The following IFIT1B variants were observed in gnomAD, a reference collection of about 807,000 sequenced individuals.
IFIT1B encodes protein IFIT1 homolog B.
In IFIT1B, 3 loss-of-function variants were observed where a neutral mutation model predicts 2.5. The observed-to-expected ratio is 1.21, with a 90% CI of 0.55 to 3.14. The LOEUF is 3.14. Among genes scored for constraint, IFIT1B ranks in the 30% most tolerant of loss-of-function variants. IFIT1B has a pLI of 0.03. For synonymous variants in IFIT1B, 196 were observed against 203.0 expected (o/e 0.97, Z 0.29); for missense variants, 545 against 556.5 (o/e 0.98, Z 0.21).
At chr10:89,379,300 T>C (rs1254851188) in intron 1 of IFIT1B, among the ~76,000 whole-genome samples, 1 of 152,210 alleles carries the variant, frequency 6.6e-6, no homozygotes, top group Non-Finnish European at 1.5e-5. Context: ...TCTCAGGCCC[T>C]ACCCTAAACC....
At position 89,378,142 on chromosome 10, in the gene IFIT1B, TAA is replaced by T. The variant is rs1333427321; in HGVS notation, c.5+4_5+5del. 6.2e-7 allele frequency: 1 copy of T among 1,613,986 alleles called. No homozygotes were observed. Among genetic ancestry groups the T allele is most frequent in the Admixed American group, 1.7e-5 (1 of 60,012 alleles). On this transcript the variant is annotated splice_donor_region_variant and intron_variant, in intron 1 of 1. Coordinates refer to ENST00000371809, the MANE Select transcript of IFIT1B (RefSeq NM_001010987.2). ...CTGCTATCTTCATAGCACCATGAGGTAAAGTCTTTCTCTGCTTCACTGACCTT... is the reference window on the plus strand; with the variant it reads ...CTGCTATCTTCATAGCACCATGAGGTAGTCTTTCTCTGCTTCACTGACCTT...
In IFIT1B at chr10:89,384,869, C is replaced by G; in HGVS notation, c.*131C>G. 1.3e-6 allele frequency: 1 copy of G among 793,822 alleles called. No individual in the cohort carries two copies. The allele number at this position is 793,822 out of a possible 1,614,324, so 49.2% of individuals were successfully genotyped here. ...CCTTGAGAGGAATGTGGCTGTGTGG[C>G]CTGAGTTATGTAGCATGCAACTGCA... On this transcript the variant is annotated 3_prime_UTR_variant, in exon 2 of 2. Transcript: ENST00000371809.
In IFIT1B at chr10:89,384,220, A is replaced by G; in HGVS notation, c.907A>G (p.Lys303Glu). 1 of 1,614,186 alleles carries G rather than the reference A, an allele frequency of 6.2e-7. No homozygotes were observed. The highest frequency in any genetic ancestry group is 8.5e-7 in the Non-Finnish European group (1 of 1,180,014). ...LCYRAQMIQIKEATNWQPRGQ... is the reference protein window; with the variant it reads ...LCYRAQMIQIEEATNWQPRGQ... ...CTACAGGGCACAAATGATCCAAATC[A>G]AGGAAGCTACAAACTGGCAGCCTAG... Residue 303 changes from lysine (K) to glutamate (E), a missense_variant, in exon 2 of 2, where the codon AAG (lysine) becomes GAG (glutamate). Lys to Glu is a moderately conservative substitution (Grantham distance 56). Coordinates refer to ENST00000371809, the MANE Select transcript of IFIT1B (RefSeq NM_001010987.2).
Position 89,383,605 on chromosome 10 carries a change from T to C in IFIT1B, c.292T>C (p.Trp98Arg). The C allele has an allele frequency of 6.2e-7, 1 of 1,614,214 alleles. No homozygotes were observed. Among genetic ancestry groups the C allele is most frequent in the African/African-American group, 1.3e-5 (1 of 75,050 alleles). ...NQADIRSLVT[W>R]GNFAWVYYHM... Reference sequence around the variant, plus strand: ...AGCAGATATTAGAAGTCTGGTGACCTGGGGCAACTTTGCCTGGGTGTATTA... The same window carrying C: ...AGCAGATATTAGAAGTCTGGTGACCCGGGGCAACTTTGCCTGGGTGTATTA... The change falls in exon 2 of 2, where the codon TGG becomes CGG. Residue 98 changes from tryptophan (W) to arginine (R), a missense_variant. Trp to Arg is a moderately radical substitution (Grantham distance 101, BLOSUM62 -3). Coordinates refer to ENST00000371809, the MANE Select transcript of IFIT1B (RefSeq NM_001010987.2).
chr10:89,381,960 G>C (rs1007698684), intron 1 of IFIT1B, among the ~76,000 whole-genome samples: 1 of 151,848 alleles, frequency 6.6e-6, no homozygotes, highest in African/African-American at 2.4e-5. Flanking sequence ...AGTAGAGATG[G>C]GGTTTCACCA....
In IFIT1B at chr10:89,384,586, T is replaced by C; in HGVS notation, c.1273T>C (p.Leu425=). Residue 425 remains leucine, a synonymous_variant, in exon 2 of 2, where the codon TTG becomes CTG. Transcript: ENST00000371809. ...AAAACTTCTCAATGCTTTAGAGAAA[T>C]TGGCTAAAAGATGTATTCACCAGAA... is the stretch of plus-strand genomic sequence containing the variant. ...REKLLNALEK[L]AKRCIHQNVR... is the part of the protein sequence containing the mutation. 6.2e-7 allele frequency: 1 copy of C among 1,614,142 alleles called. No homozygotes were observed. The highest frequency in any genetic ancestry group is 8.5e-7 in the Non-Finnish European group (1 of 1,180,016).
chr10:89,382,108 T>C (rs1011403178), intron 1 of IFIT1B, among the ~76,000 whole-genome samples: 1 of 152,156 alleles, frequency 6.6e-6, no homozygotes, highest in African/African-American at 2.4e-5. Context: ...AAAAAGAATG[T>C]TTCATCATCC....
chr10:89,383,844 C>T lies in IFIT1B; in HGVS notation c.531C>T (p.Phe177=), dbSNP rs1303864227. Residue 177 remains phenylalanine (F), a synonymous_variant, in exon 2 of 2, where the codon TTC becomes TTT. Coordinates refer to ENST00000371809, the MANE Select transcript of IFIT1B (RefSeq NM_001010987.2). ...ALEGNPENPE[F]NTGYAITVYR... ...AAGGGAACCCTGAAAACCCTGAATT[C>T]AATACTGGGTACGCAATCACCGTCT... The T allele has an allele frequency of 2.5e-6, 4 of 1,614,202 alleles. No individual in the cohort carries two copies. The highest frequency in any genetic ancestry group is 1.1e-5 in the South Asian group (1 of 91,088).
chr10:89,378,845 G>A (rs905083326), intron 1 of IFIT1B, among the ~76,000 whole-genome samples: 1 of 152,152 alleles, frequency 6.6e-6, no homozygotes, highest in East Asian at 1.9e-4. Context: ...GGAAATAAAC[G>A]AGAAAGCAAT....
intron 1 of IFIT1B, among the ~76,000 whole-genome samples, chr10:89,381,217 G>T (rs1272111505): frequency 6.6e-6 from 1 of 152,172 alleles, no homozygotes; most frequent in Non-Finnish European, 1.5e-5. Context: ...AGTCTGTGTG[G>T]ATTATTTTCC....
At chr10:89,380,427 A>C (rs532909842) in intron 1 of IFIT1B, among the ~76,000 whole-genome samples, 1 of 149,654 alleles carries the variant, frequency 6.7e-6, no homozygotes, top group East Asian at 2.0e-4. Flanking sequence ...ATACATGCAC[A>C]AACTCATCTT....
At chr10:89,381,604 C>G (rs1157974211) in intron 1 of IFIT1B, among the ~76,000 whole-genome samples, 3 of 152,082 alleles carry the variant, frequency 2.0e-5, no homozygotes, top group Non-Finnish European at 2.9e-5. Flanking sequence ...CAAGGAGGGT[C>G]TAAGCATAGT....
intron 1 of IFIT1B, among the ~76,000 whole-genome samples, chr10:89,380,305 T>C (rs937582235): frequency 5.1e-4 from 77 of 152,296 alleles, no homozygotes; most frequent in Middle Eastern, 3.4e-3. Context: ...TTCATGCTTA[T>C]TGATCAAGAC....
At chr10:89,382,887 T>C (rs895522431) in intron 1 of IFIT1B, among the ~76,000 whole-genome samples, 1 of 152,202 alleles carries the variant, frequency 6.6e-6, no homozygotes, top group Non-Finnish European at 1.5e-5. Flanking sequence ...AACCAAAATG[T>C]GTTTACGTGT....
intron 1 of IFIT1B, among the ~76,000 whole-genome samples, chr10:89,381,296 C>T (rs571027873): frequency 5.3e-5 from 8 of 152,176 alleles, no homozygotes; most frequent in African/African-American, 1.9e-4. Context: ...GGGTCAAAAA[C>T]TCTTCCCGAT....
At chr10:89,379,422 A>G (rs925182692) in intron 1 of IFIT1B, among the ~76,000 whole-genome samples, 1 of 152,176 alleles carries the variant, frequency 6.6e-6, no homozygotes, top group African/African-American at 2.4e-5. Flanking sequence ...ATGTTAGAAA[A>G]TAAGAAATTT....
At chr10:89,380,856 T>G (rs982844613) in intron 1 of IFIT1B, among the ~76,000 whole-genome samples, 2 of 152,204 alleles carry the variant, frequency 1.3e-5, no homozygotes, top group African/African-American at 4.8e-5. Flanking sequence ...TAGGGTGATA[T>G]TCTACTCCTT....
At position 89,384,433 on chromosome 10, in the gene IFIT1B, G is replaced by A. The variant is rs1203859939; in HGVS notation, c.1120G>A (p.Asp374Asn). Residue 374 changes from aspartate to asparagine, a missense_variant, in exon 2 of 2, where the codon GAT becomes AAT. Physicochemically the swap from Asp to Asn is conservative, Grantham distance 23 (BLOSUM62 1). Transcript: ENST00000371809. Reference sequence around the variant, plus strand: ...AGGGTTACGCATGAAGATCTTTGAAGATCAGCTAAAGCAAGAGATTCATTA... The same window carrying A: ...AGGGTTACGCATGAAGATCTTTGAAAATCAGCTAAAGCAAGAGATTCATTA... ...QKGLRMKIFE[D>N]QLKQEIHYHY... 6.2e-7 allele frequency: 1 copy of A among 1,614,212 alleles called. No individual in the cohort carries two copies. Among genetic ancestry groups the A allele is most frequent in the Non-Finnish European group, 8.5e-7 (1 of 1,180,048 alleles).
At chr10:89,381,412 AC>A (rs982174578) in intron 1 of IFIT1B, among the ~76,000 whole-genome samples, 2 of 151,980 alleles carry the variant, frequency 1.3e-5, no homozygotes, top group African/African-American at 4.8e-5. Context: ...TCCCACACAC[AC>A]CCCCACACAC....
Sources: allele counts gnomAD v4.1 joint callset (sites outside exome capture counted in the v4.1 genomes callset), GRCh38; gene constraint gnomAD v4.1.1; transcripts MANE v1.5; gene names NCBI Gene and HGNC (gene_info 2026-07-23, HGNC 2026-07-21).